The following SLC22A14 variants were observed in gnomAD, a reference collection of about 807,000 sequenced individuals.
The protein encoded by SLC22A14 is solute carrier family 22 member 14.
Under a neutral mutation model 53.9 loss-of-function variants are expected in SLC22A14, and 50 were observed. The ratio of observed to expected loss-of-function variants is 0.93; its 90% confidence interval spans 0.74 to 1.17. The LOEUF (loss-of-function observed/expected upper bound fraction) is 1.17. Ranked by LOEUF, SLC22A14 falls within the 50% of genes most tolerant of loss-of-function variation. The pLI is 0.00. For missense variants in SLC22A14, 671 were observed against 734.7 expected (o/e 0.91, Z 1.00); for synonymous variants, 312 against 303.0 (o/e 1.03, Z -0.31).
At chr3:38,301,498 TAC>T (rs759558974) in intron 1 of SLC22A14, among the ~76,000 whole-genome samples, 49 of 152,260 alleles carry the variant, frequency 3.2e-4, no homozygotes, top group Non-Finnish European at 5.6e-4. Context: ...GTTTTGGGTT[TAC>T]AGAAATGCAA....
At chr3:38,300,844 A>T (rs1704142867) in intron 1 of SLC22A14, among the ~76,000 whole-genome samples, 1 of 151,736 alleles carries the variant, frequency 6.6e-6, no homozygotes, top group African/African-American at 2.4e-5. Context: ...CATGCCAAAC[A>T]CTCTTCTTAA....
At chr3:38,309,754 A>G (rs1704414845) in intron 5 of SLC22A14, among the ~76,000 whole-genome samples, 1 of 152,192 alleles carries the variant, frequency 6.6e-6, no homozygotes, top group African/African-American at 2.4e-5. Flanking sequence ...CAGGTGGGAA[A>G]AGAGAGGGAC....
upstream of SLC22A14, among the ~76,000 whole-genome samples, chr3:38,280,346 T>C (rs1023221440): frequency 4.6e-5 from 7 of 152,224 alleles, no homozygotes; most frequent in African/African-American, 1.7e-4. Context: ...TGTCATCATA[T>C]TGGCTTCTAG....
At chr3:38,316,105 C>T (rs992363436) in intron 9 of SLC22A14, among the ~76,000 whole-genome samples, 1 of 152,236 alleles carries the variant, frequency 6.6e-6, no homozygotes, top group African/African-American at 2.4e-5. Flanking sequence ...TGCCTGTGTC[C>T]TCTCCCCGCA....
Position 38,316,364 on chromosome 3 carries a change from G to A in SLC22A14, c.1573G>A (p.Gly525Arg). The change falls in exon 10 of 11, where the codon GGA (glycine) becomes AGA (arginine). Residue 525 changes from glycine (G) to arginine (R), a missense_variant. Coordinates refer to ENST00000448498, the MANE Select transcript of SLC22A14 (RefSeq NM_001320033.2). ...LGLVSLASVA[G>R]AILSLTIISQ... Reference sequence around the variant, plus strand: ...GCTGGTGTCTCTGGCCTCGGTGGCTGGAGCCATCTTGTCCCTGACAATCAT... The same window carrying A: ...GCTGGTGTCTCTGGCCTCGGTGGCTAGAGCCATCTTGTCCCTGACAATCAT... 6.2e-7 allele frequency: 1 copy of A among 1,614,138 alleles called. No homozygotes were observed. Among genetic ancestry groups the A allele is most frequent in the African/African-American group, 1.3e-5 (1 of 75,014 alleles).
chr3:38,288,779 A>G (rs1215516040), intron 1 of SLC22A14, among the ~76,000 whole-genome samples: 4 of 152,320 alleles, frequency 2.6e-5, no homozygotes, highest in Admixed American at 2.6e-4. Context: ...TCTTGTATGT[A>G]TTTTGTTAGA....
At chr3:38,293,599 T>C (rs1317946346) in intron 1 of SLC22A14, among the ~76,000 whole-genome samples, 1 of 152,248 alleles carries the variant, frequency 6.6e-6, no homozygotes, top group African/African-American at 2.4e-5. Context: ...CCTCCCTTAG[T>C]CTCACCAGAA....
chr3:38,313,991 A>C (rs897829407), intron 8 of SLC22A14, 50 bp downstream of exon 8: 10 of 1,535,382 alleles, frequency 6.5e-6, no homozygotes, highest in East Asian at 4.5e-5. Flanking sequence ...CCTGCTTCCC[A>C]AAACCCCTCC....
chr3:38,289,236 C>G (rs1363533041), intron 1 of SLC22A14, among the ~76,000 whole-genome samples: 2 of 151,248 alleles, frequency 1.3e-5, no homozygotes, highest in Admixed American at 1.3e-4. Flanking sequence ...ACTTCCCATT[C>G]CTTCCACACC....
At chr3:38,305,283 A>G (rs1310313038) in intron 1 of SLC22A14, 1 of 152,264 alleles carries the variant, frequency 6.6e-6, no homozygotes, top group East Asian at 1.9e-4. Flanking sequence ...TGCTTGATGT[A>G]CCTCTGTGAG....
At chr3:38,285,711 CT>C (rs933321603) in intron 1 of SLC22A14, among the ~76,000 whole-genome samples, 1 of 152,112 alleles carries the variant, frequency 6.6e-6, no homozygotes, top group South Asian at 2.1e-4. Flanking sequence ...CATTTGGGCT[CT>C]TTTTTCACAG....
At chr3:38,308,077 C>A in intron 4 of SLC22A14, 3 of 199,610 alleles carry the variant, frequency 1.5e-5, no homozygotes, top group Non-Finnish European at 9.7e-6. Context: ...CCCCAAGCCC[C>A]ATGGGTTACA....
At chr3:38,294,226 G>C (rs1283186856) in intron 1 of SLC22A14, among the ~76,000 whole-genome samples, 1 of 151,892 alleles carries the variant, frequency 6.6e-6, no homozygotes, top group East Asian at 1.9e-4. Context: ...GGGACACTGG[G>C]GTAGGGAAGT....
Position 38,307,843 on chromosome 3 carries a change from G to A in SLC22A14, c.775+123G>A, listed in dbSNP as rs150077649. On this transcript the variant is annotated intron_variant, in intron 4 of 10. Transcript: ENST00000448498. The surrounding 1 kb of genome is among the most constrained non-coding windows in gnomAD (Gnocchi z 4.4). Reference sequence around the variant, plus strand: ...TAGGCAGATGGCAAGGGGGCGTGGTGTAGCTGTAAGAGGGCATGGCGGGGG... The same window carrying A: ...TAGGCAGATGGCAAGGGGGCGTGGTATAGCTGTAAGAGGGCATGGCGGGGG... 345 of 1,079,852 alleles carry A rather than the reference G, an allele frequency of 3.2e-4. No homozygotes were observed. Among genetic ancestry groups the A allele is most frequent in the Non-Finnish European group, 4.5e-4 (328 of 731,140 alleles). The allele number at this position is 1,079,852 out of a possible 1,614,324, so 66.9% of individuals were successfully genotyped here.
At chr3:38,292,207 G>A (rs1279450996) in intron 1 of SLC22A14, among the ~76,000 whole-genome samples, 2 of 152,202 alleles carry the variant, frequency 1.3e-5, no homozygotes, top group Non-Finnish European at 2.9e-5. Flanking sequence ...CTCAAGTCTT[G>A]GGCTAATGCC....
upstream of SLC22A14, among the ~76,000 whole-genome samples, chr3:38,278,862 G>A (rs9859436): frequency 0.039 from 5,762 of 147,078 alleles, 333 homozygotes; most frequent in African/African-American, 0.13. Flanking sequence ...TTAGATGGGC[G>A]CCCATAAAGA....
chr3:38,315,898 T>G (rs527648520), intron 9 of SLC22A14, among the ~76,000 whole-genome samples, 187 bp downstream of exon 9: 1 of 152,234 alleles, frequency 6.6e-6, no homozygotes, highest in Non-Finnish European at 1.5e-5. Flanking sequence ...CTATTTCAGA[T>G]GCAAGACCAG....
chr3:38,280,685 G>C (rs1221391677), upstream of SLC22A14, among the ~76,000 whole-genome samples: 2 of 150,748 alleles, frequency 1.3e-5, no homozygotes, highest in Non-Finnish European at 2.9e-5. Flanking sequence ...CTGGAGTGCA[G>C]TGGTGCAATT....
chr3:38,316,231 G>A, intron 9 of SLC22A14, 93 bp from the exon 10 acceptor site: 1 of 1,066,392 alleles, frequency 9.4e-7, no homozygotes, highest in Non-Finnish European at 1.4e-6. Context: ...ACAGGGTGGA[G>A]ACTGGAGAGT....
Sources: gnomAD v4.1 joint callset for allele counts (sites outside exome capture counted in the v4.1 genomes callset) on GRCh38, gnomAD v4.1.1 for gene constraint, Gnocchi (gnomAD v3.1) non-coding constraint, MANE v1.5 for transcripts, NCBI Gene and HGNC (gene_info 2026-07-23, HGNC 2026-07-21) for gene names.